The following TXNDC8 variants were observed in gnomAD, a reference collection of about 807,000 sequenced individuals.
The protein encoded by TXNDC8 is thioredoxin domain-containing protein 8.
A neutral mutation model predicts 12.9 loss-of-function variants in TXNDC8; 15 were observed. The ratio of observed to expected loss-of-function variants is 1.16; its 90% CI spans 0.78 to 1.79. The LOEUF is 1.79. Among genes scored for constraint, TXNDC8 ranks in the 40% most tolerant of loss-of-function variants. The pLI, the probability that TXNDC8 is intolerant of heterozygous loss-of-function variation, is 0.00. For synonymous variants in TXNDC8, 40 were observed against 35.4 expected (o/e 1.13, Z -0.46); for missense variants, 128 against 113.2 (o/e 1.13, Z -0.59).
chr9:110,310,332 C>A (rs1180707605), intron 3 of TXNDC8, among the ~76,000 whole-genome samples: 1 of 152,114 alleles, frequency 6.6e-6, no homozygotes, highest in South Asian at 2.1e-4. Flanking sequence ...TCTCTCCATA[C>A]TTGATTATGT....
chr9:110,317,326 T>G (rs1164954502), intron 3 of TXNDC8, among the ~76,000 whole-genome samples: 1 of 152,202 alleles, frequency 6.6e-6, no homozygotes, highest in Non-Finnish European at 1.5e-5. Flanking sequence ...ATGCCCAGTT[T>G]TGAGAAAATA....
chr9:110,326,190 G>C lies in TXNDC8; in HGVS notation c.180C>G (p.Phe60Leu). The stretch of plus-strand genomic sequence containing the variant: ...GGAAACATACCTTCTGGCTTTTCTT[G>C]AACATCTGAAATGTGGGTATTGTTT... Residue 60 changes from phenylalanine (F) to leucine (L), a missense_variant, in exon 3 of 5, where the codon TTC becomes TTG. Transcript: ENST00000423740. The C allele has an allele frequency of 6.2e-7, 1 of 1,613,972 alleles. No individual in the cohort carries two copies. The highest frequency in any genetic ancestry group is 1.1e-5 in the South Asian group (1 of 91,046).
chr9:110,333,046 C>G (rs372499406), intron 2 of TXNDC8, among the ~76,000 whole-genome samples: 1 of 152,184 alleles, frequency 6.6e-6, no homozygotes, highest in South Asian at 2.1e-4. Context: ...CTTAGAGAAG[C>G]AGAAAATATA....
At chr9:110,304,402 A>T (rs935221185) in intron 4 of TXNDC8, 65 bp downstream of exon 5, 1 of 1,442,566 alleles carries the variant, frequency 6.9e-7, no homozygotes, top group African/African-American at 1.4e-5. Flanking sequence ...TGAGTGTGTC[A>T]TTATATTTAT....
chr9:110,333,375 G>A (rs1839618423), intron 2 of TXNDC8, among the ~76,000 whole-genome samples: 1 of 152,140 alleles, frequency 6.6e-6, no homozygotes, highest in Admixed American at 6.6e-5. Context: ...GATGATCTGA[G>A]GCGGAACAGT....
rs1839819698 is a variant in TXNDC8 at position 110,337,819 on chromosome 9, T to C, written c.-23A>G. On this transcript the variant is annotated 5_prime_UTR_variant, in exon 1 of 5. Transcript: ENST00000423740. Reference sequence around the variant, plus strand: ...CATGATTACACCAGGGAAGTGCTGATGAAAATCCCCTGTTGGTTTAGTTGG... The same window carrying C: ...CATGATTACACCAGGGAAGTGCTGACGAAAATCCCCTGTTGGTTTAGTTGG... 1 of 1,613,476 alleles carries C rather than the reference T, an allele frequency of 6.2e-7. No homozygotes were observed. The highest frequency in any genetic ancestry group is 8.5e-7 in the Non-Finnish European group (1 of 1,179,580).
intron 1 of TXNDC8, among the ~76,000 whole-genome samples, chr9:110,335,650 C>T (rs1440345547): frequency 6.6e-6 from 1 of 152,152 alleles, no homozygotes; most frequent in African/African-American, 2.4e-5. Context: ...GCATTGGTAT[C>T]CTAGGCAGCC....
At chr9:110,310,332 C>T (rs1180707605) in intron 3 of TXNDC8, among the ~76,000 whole-genome samples, 1 of 151,996 alleles carries the variant, frequency 6.6e-6, no homozygotes, top group African/African-American at 2.4e-5. Flanking sequence ...TCTCTCCATA[C>T]TTGATTATGT....
At chr9:110,315,290 G>A (rs1838840831) in intron 3 of TXNDC8, among the ~76,000 whole-genome samples, 1 of 151,970 alleles carries the variant, frequency 6.6e-6, no homozygotes, top group Non-Finnish European at 1.5e-5. Flanking sequence ...TACAGACGGG[G>A]TTTTGCCATG....
At chr9:110,331,629 G>A (rs1301958327) in intron 2 of TXNDC8, among the ~76,000 whole-genome samples, 2 of 149,750 alleles carry the variant, frequency 1.3e-5, no homozygotes, top group Non-Finnish European at 3.0e-5. Flanking sequence ...TTTCATGGAA[G>A]ACATTTTTTT....
At chr9:110,314,267 T>A (rs1382491753) in intron 3 of TXNDC8, among the ~76,000 whole-genome samples, 1 of 152,158 alleles carries the variant, frequency 6.6e-6, no homozygotes, top group Non-Finnish European at 1.5e-5. Flanking sequence ...TCATCTTACA[T>A]ATGTTGATTG....
rs964150592 is a variant in TXNDC8 at position 110,337,373 on chromosome 9, C to T, written c.24+400G>A. Among the ~76,000 whole-genome samples the T allele has an allele frequency of 5.9e-5, 9 of 152,192 alleles. 1 individual carries two copies. The South Asian group carries it at 1.9e-3, about 32-fold the overall frequency. ...TGGGCTGTTCCCAATTTTCCCACCC[C>T]ATTCCACATCTGGGGTTTCTATTAT... On this transcript the variant is annotated intron_variant, in intron 1 of 4. Transcript: ENST00000423740.
chr9:110,330,668 T>G (rs10816974), intron 2 of TXNDC8, among the ~76,000 whole-genome samples: 59,799 of 152,084 alleles, frequency 0.39, 13,619 homozygotes, highest in African/African-American at 0.63. Flanking sequence ...ACCAAATCCA[T>G]CCCTCTACCT....
intron 3 of TXNDC8, chr9:110,323,625 A>T: frequency 3.1e-6 from 1 of 321,940 alleles, no homozygotes; most frequent in Non-Finnish European, 5.4e-6. Flanking sequence ...GTTCATCAGA[A>T]TTTTTTGGGT....
intron 3 of TXNDC8, chr9:110,323,972 A>T: frequency 6.4e-7 from 1 of 1,550,784 alleles, no homozygotes; most frequent in Non-Finnish European, 8.7e-7. Context: ...GATGGAGTTC[A>T]CTGGTTGGTG....
chr9:110,330,996 C>A (rs1839523476), intron 2 of TXNDC8, among the ~76,000 whole-genome samples: 1 of 151,928 alleles, frequency 6.6e-6, no homozygotes, highest in African/African-American at 2.4e-5. Context: ...CTGAAAATGT[C>A]TTGAATTCTT....
rs796080969 is a variant in TXNDC8, at chr9:110,305,806, TCTTTC to T, written c.196-1279_196-1275del. Among the ~76,000 whole-genome samples the T allele has an allele frequency of 4.7e-3, 385 of 81,854 alleles. 12 individuals are homozygous for T. The highest frequency in any genetic ancestry group is 0.03 in the East Asian group (112 of 3,680). 53.7% of individuals were successfully genotyped at this position (81,854 alleles called of 152,430 possible). A position where few individuals can be genotyped will look rare whatever the true frequency, so the allele number is the denominator to read the frequency against. On this transcript the variant is annotated intron_variant, in intron 3 of 4. Coordinates refer to ENST00000423740, the MANE Select transcript of TXNDC8 (RefSeq NM_001286946.2). Reference sequence around the variant, plus strand: ...TTCTTTTCTTTCTTTTCTTTTCTTTTCTTTCCTTTCCTTTCCTTTCCTTTCTTTTC... The same window carrying T: ...TTCTTTTCTTTCTTTTCTTTTCTTTTCTTTCCTTTCCTTTCCTTTCTTTTC...
intron 3 of TXNDC8, 94 bp from the exon 5 acceptor site, chr9:110,304,626 G>A: frequency 8.4e-7 from 1 of 1,192,246 alleles, no homozygotes; most frequent in Non-Finnish European, 1.2e-6. Flanking sequence ...GGCCAGGGAA[G>A]GAAGGTGTCA....
intron 2 of TXNDC8, among the ~76,000 whole-genome samples, chr9:110,331,666 T>C (rs1839548174): frequency 6.6e-6 from 1 of 152,130 alleles, no homozygotes; most frequent in African/African-American, 2.4e-5. Context: ...GGGGGATGGT[T>C]TCAGGATGAA....
Sources: allele counts gnomAD v4.1 joint callset (sites outside exome capture counted in the v4.1 genomes callset), GRCh38; gene constraint gnomAD v4.1.1; transcripts MANE v1.5; gene names NCBI Gene and HGNC (gene_info 2026-07-23, HGNC 2026-07-21).